The following NRG1 variants were observed in gnomAD, a reference collection of about 807,000 sequenced individuals.
NRG1 encodes pro-neuregulin-1, membrane-bound isoform.
Under a neutral mutation model 63.8 loss-of-function variants are expected in NRG1, and 18 were observed. The ratio of observed to expected loss-of-function variants is 0.28; its 90% confidence interval spans 0.19 to 0.42. The LOEUF (loss-of-function observed/expected upper bound fraction) is 0.42, where lower values mean the gene tolerates loss of function less well. Ranked by LOEUF, NRG1 falls within the 10% of genes least tolerant of loss-of-function variation. The pLI, the probability that NRG1 is intolerant of heterozygous loss-of-function variation, is 1.00. For synonymous variants in NRG1, 302 were observed against 301.3 expected (o/e 1.00, Z -0.02); for missense variants, 762 against 814.7 (o/e 0.94, Z 0.79).
intron 1 of NRG1, among the ~76,000 whole-genome samples, chr8:32,396,075 G>A (rs1047854090): frequency 2.6e-5 from 4 of 151,984 alleles, no homozygotes; most frequent in African/African-American, 9.7e-5. Flanking sequence ...CTGTTCTATT[G>A]ATCTATATAT....
intron 4 of NRG1, among the ~76,000 whole-genome samples, chr8:32,616,133 A>C (rs2129541754): frequency 6.6e-6 from 1 of 151,980 alleles, no homozygotes; most frequent in Non-Finnish European, 1.5e-5. Context: ...ACTAATGAAA[A>C]CCCATCCGTT....
rs1235833561 is a variant in NRG1 at position 32,280,680 on chromosome 8, G to GTTTTT, written c.38-315142_38-315138dup. Among the ~76,000 whole-genome samples the GTTTTT allele has an allele frequency of 1.8e-3, 95 of 53,736 alleles. 6 individuals are homozygous for GTTTTT. Among genetic ancestry groups the GTTTTT allele is most frequent in the African/African-American group, 4.7e-3 (67 of 14,368 alleles). The allele number at this position is 53,736 out of a possible 152,430, so 35.3% of individuals were successfully genotyped here. On this transcript the variant is annotated intron_variant, in intron 1 of 10. Coordinates refer to the NRG1 transcript ENST00000519301. ...GGTGTCTTTCATGCAACTGAATTAG[G>GTTTTT]TTTTTTTTTTGTTTTTTTTTTTTTT...
chr8:32,338,907 C>A (rs1300883627), intron 1 of NRG1, among the ~76,000 whole-genome samples: 2 of 152,058 alleles, frequency 1.3e-5, no homozygotes, highest in Non-Finnish European at 2.9e-5. Flanking sequence ...CTCCAATGAG[C>A]CCTGGGGAAC....
chr8:32,175,436 C>A (rs771243447), intron 1 of NRG1, among the ~76,000 whole-genome samples: 2 of 152,170 alleles, frequency 1.3e-5, no homozygotes, highest in Non-Finnish European at 2.9e-5. Context: ...CAGGGATGCC[C>A]TCTCTCACCA....
intron 1 of NRG1, among the ~76,000 whole-genome samples, chr8:32,329,119 A>G (rs1802348942): frequency 6.6e-6 from 1 of 151,988 alleles, no homozygotes; most frequent in Non-Finnish European, 1.5e-5. Context: ...GGCATGCATC[A>G]CCATGCCTGG....
At chr8:31,989,885 T>C (rs1437046658) in intron 1 of NRG1, among the ~76,000 whole-genome samples, 1 of 152,144 alleles carries the variant, frequency 6.6e-6, no homozygotes, top group African/African-American at 2.4e-5. Context: ...TGTTGGACTT[T>C]GTGCTTATGT....
At chr8:32,511,333 G>A (rs1365322343) in intron 1 of NRG1, among the ~76,000 whole-genome samples, 2 of 142,026 alleles carry the variant, frequency 1.4e-5, no homozygotes, top group Admixed American at 7.2e-5. Context: ...ACATATATAT[G>A]TGTGTGTGTG....
intron 1 of NRG1, among the ~76,000 whole-genome samples, chr8:32,064,080 C>T (rs939759632): frequency 2.0e-5 from 3 of 151,892 alleles, no homozygotes; most frequent in African/African-American, 7.3e-5. Flanking sequence ...TCAAACAACC[C>T]AACATTAAAA....
chr8:32,662,441 AATG>A (rs1287842182), intron 5 of NRG1, among the ~76,000 whole-genome samples: 5 of 152,184 alleles, frequency 3.3e-5, no homozygotes, highest in African/African-American at 1.2e-4. Context: ...TCATTGTAAG[AATG>A]ATGGCTTTTC....
chr8:32,141,592 G>GTATATATATATATA (rs59251868), intron 1 of NRG1, among the ~76,000 whole-genome samples: 11 of 71,782 alleles, frequency 1.5e-4, no homozygotes, highest in South Asian at 6.6e-4. Context: ...ATGTGTGTGG[G>GTATATATATATATA]TATATATATA....
At chr8:32,653,609 A>G (rs1373598544) in intron 5 of NRG1, among the ~76,000 whole-genome samples, 1 of 152,216 alleles carries the variant, frequency 6.6e-6, no homozygotes, top group African/African-American at 2.4e-5. Context: ...GATGAAAAAT[A>G]TATACATAAT....
exon 1 of NRG1, chr8:32,548,613 G>T: frequency 7.2e-7 from 1 of 1,390,040 alleles, no homozygotes; most frequent in South Asian, 1.6e-5. Flanking sequence ...GCCTCAGCGC[G>T]GCCGCTCGCT....
chr8:32,148,543 C>T (rs760079081), intron 1 of NRG1, among the ~76,000 whole-genome samples: 42 of 152,150 alleles, frequency 2.8e-4, no homozygotes, highest in Non-Finnish European at 4.6e-4. Context: ...GGACTACAGC[C>T]GCCCACCACC....
chr8:31,988,796 C>CCT (rs1159090917), intron 1 of NRG1, among the ~76,000 whole-genome samples: 1 of 152,054 alleles, frequency 6.6e-6, no homozygotes, highest in East Asian at 1.9e-4. Context: ...AATAAGTTAG[C>CCT]CTGTATACTT....
At chr8:32,118,320 A>G (rs541204602) in intron 1 of NRG1, among the ~76,000 whole-genome samples, 1 of 152,096 alleles carries the variant, frequency 6.6e-6, no homozygotes, top group East Asian at 1.9e-4. Flanking sequence ...GACTCGCCGC[A>G]GAGCTGGTTG....
At chr8:32,601,554 T>C (rs1248720642) in intron 2 of NRG1, among the ~76,000 whole-genome samples, 1 of 152,146 alleles carries the variant, frequency 6.6e-6, no homozygotes, top group Admixed American at 6.6e-5. Context: ...CAATCCCAAA[T>C]AATTTCCTTT....
intron 1 of NRG1, among the ~76,000 whole-genome samples, chr8:32,501,193 G>C (rs561410561): frequency 6.6e-6 from 1 of 152,222 alleles, no homozygotes; most frequent in Non-Finnish European, 1.5e-5. Context: ...TCTGATGAAA[G>C]TTCATTATAA....
At chr8:32,365,058 A>T (rs56064100) in intron 1 of NRG1, among the ~76,000 whole-genome samples, 8,580 of 146,662 alleles carry the variant, frequency 0.059, 318 homozygotes, top group Middle Eastern at 0.11. Context: ...TCCAGGGCTC[A>T]AGCAATCTGC....
At chr8:32,372,411 A>T (rs1809023255) in intron 1 of NRG1, among the ~76,000 whole-genome samples, 1 of 151,932 alleles carries the variant, frequency 6.6e-6, no homozygotes, top group Non-Finnish European at 1.5e-5. Flanking sequence ...TATTATGTAT[A>T]AAAAAAAGTC....
Sources: allele counts gnomAD v4.1 joint callset (sites outside exome capture counted in the v4.1 genomes callset), GRCh38; gene constraint gnomAD v4.1.1; transcripts MANE v1.5; gene names NCBI Gene and HGNC (gene_info 2026-07-23, HGNC 2026-07-21).